The following NEBL variants were observed in gnomAD, a reference collection of about 807,000 sequenced individuals.
The protein encoded by NEBL is nebulette.
In NEBL, 122 loss-of-function variants were observed where a neutral mutation model predicts 140.2. That is an observed-to-expected ratio of 0.87 (90% CI 0.75 to 1.01). The LOEUF is 1.01. Ranked by LOEUF, NEBL falls within the 50% of genes least tolerant of loss-of-function variation. NEBL has a pLI of 0.00. For synonymous variants in NEBL, 436 were observed against 398.9 expected, an observed-to-expected ratio of 1.09 and a Z score of -1.11; for missense variants, 1,365 against 1,231.3, an observed-to-expected ratio of 1.11 and a Z score of -1.62.
intron 7 of NEBL, 79 bp downstream of exon 7, chr10:20,868,585 T>C (rs1327822288): frequency 1.7e-5 from 17 of 987,076 alleles, no homozygotes; most frequent in Non-Finnish European, 2.6e-5. Context: ...AGATATTATC[T>C]AAAATGCAAT....
intron 2 of NEBL, among the ~76,000 whole-genome samples, chr10:21,078,596 C>G (rs902258571): frequency 1.3e-4 from 20 of 152,100 alleles, no homozygotes; most frequent in African/African-American, 4.8e-4. Flanking sequence ...CCTGTATACA[C>G]GTATGCAGAG....
intron 3 of NEBL, among the ~76,000 whole-genome samples, chr10:20,979,863 T>C (rs1475832047): frequency 1.3e-5 from 2 of 152,046 alleles, no homozygotes; most frequent in Admixed American, 6.6e-5. Flanking sequence ...CATGCCACCA[T>C]GGTCATCTAA....
At chr10:21,133,576 T>G (rs931615025) in intron 2 of NEBL, among the ~76,000 whole-genome samples, 8 of 152,172 alleles carry the variant, frequency 5.3e-5, no homozygotes, top group African/African-American at 1.9e-4. Context: ...ATAGGGAATC[T>G]TCATAGAGTT....
At chr10:20,994,811 G>C (rs1837600940) in intron 3 of NEBL, among the ~76,000 whole-genome samples, 1 of 152,216 alleles carries the variant, frequency 6.6e-6, no homozygotes, top group African/African-American at 2.4e-5. Flanking sequence ...TATTCATTAA[G>C]TGGAAATGGA....
chr10:21,284,950 G>A (rs1273248493), intron 1 of NEBL, among the ~76,000 whole-genome samples: 3 of 152,240 alleles, frequency 2.0e-5, no homozygotes, highest in Non-Finnish European at 4.4e-5. Context: ...TGTAATCCCA[G>A]CTACTTGGAA....
In NEBL at chr10:20,826,426, T is replaced by A. The variant is rs1404738153; in HGVS notation, c.1869+21A>T. 3 of 1,569,376 alleles carry A rather than the reference T, an allele frequency of 1.9e-6. No homozygotes were observed. The East Asian group carries it at 6.7e-5, about 35-fold the overall frequency. The stretch of plus-strand genomic sequence containing the variant: ...TTTGGTTTGCTTTTAGAAAAGATAA[T>A]TAATGCTGTAGAGAACTTACTGAAC... On this transcript the variant is annotated intron_variant, in intron 18 of 27. Transcript: ENST00000377122.
At chr10:20,918,749 G>A (rs950656394) in intron 4 of NEBL, among the ~76,000 whole-genome samples, 1 of 151,716 alleles carries the variant, frequency 6.6e-6, no homozygotes, top group Non-Finnish European at 1.5e-5. Flanking sequence ...TACTCGGGAG[G>A]CTGAGGCAGA....
At chr10:20,991,745 A>G (rs1334804477) in intron 3 of NEBL, among the ~76,000 whole-genome samples, 3 of 151,304 alleles carry the variant, frequency 2.0e-5, no homozygotes, top group Non-Finnish European at 4.4e-5. Flanking sequence ...TACTTTGTCA[A>G]CCTTTGCTCC....
At chr10:20,918,665 G>A (rs1194275267) in intron 4 of NEBL, among the ~76,000 whole-genome samples, 4 of 151,626 alleles carry the variant, frequency 2.6e-5, no homozygotes, top group South Asian at 2.1e-4. Flanking sequence ...TGGCGAAGGC[G>A]GTGAAACCCA....
chr10:21,029,047 C>T (rs1833662475), intron 2 of NEBL: 1 of 946,970 alleles, frequency 1.1e-6, no homozygotes, highest in South Asian at 1.4e-5. Flanking sequence ...AACTATCTCC[C>T]TAACAGACTT....
At chr10:20,791,880 C>T (rs1490009924) in intron 26 of NEBL, among the ~76,000 whole-genome samples, 1 of 152,060 alleles carries the variant, frequency 6.6e-6, no homozygotes, top group Non-Finnish European at 1.5e-5. Flanking sequence ...ATTAAGTGTC[C>T]TTGGTGTTCA....
chr10:21,127,272 T>C (rs1361709829), intron 2 of NEBL, among the ~76,000 whole-genome samples: 1 of 152,116 alleles, frequency 6.6e-6, no homozygotes, highest in Non-Finnish European at 1.5e-5. Flanking sequence ...AGATATCAAA[T>C]ACATAATGAT....
chr10:21,016,984 C>T (rs1838581125), intron 3 of NEBL, among the ~76,000 whole-genome samples: 1 of 152,196 alleles, frequency 6.6e-6, no homozygotes, highest in South Asian at 2.1e-4. Context: ...TACATTGCAT[C>T]AACCCTTGTA....
chr10:20,872,828 G>A (rs965938935), intron 5 of NEBL, among the ~76,000 whole-genome samples: 14 of 152,104 alleles, frequency 9.2e-5, no homozygotes, highest in East Asian at 5.8e-4. Context: ...ACATCAGGCC[G>A]GTACCCTACA....
intron 3 of NEBL, among the ~76,000 whole-genome samples, chr10:21,013,944 T>C (rs541403928): frequency 4.6e-5 from 7 of 152,050 alleles, no homozygotes; most frequent in Non-Finnish European, 7.4e-5. Context: ...GGATATATAT[T>C]TGGAAATGGG....
intron 7 of NEBL, among the ~76,000 whole-genome samples, chr10:20,865,805 T>C (rs1043808265): frequency 6.6e-6 from 1 of 152,164 alleles, no homozygotes; most frequent in Non-Finnish European, 1.5e-5. Context: ...AAACAATTAC[T>C]ATGAGGCACA....
At chr10:20,987,512 A>G (rs1055119111) in intron 3 of NEBL, among the ~76,000 whole-genome samples, 6 of 151,764 alleles carry the variant, frequency 4.0e-5, no homozygotes, top group African/African-American at 1.5e-4. Context: ...TCACTCCTCA[A>G]TCCTTAACCC....
At chr10:21,070,924 C>A (rs1835787508) in intron 2 of NEBL, among the ~76,000 whole-genome samples, 1 of 152,068 alleles carries the variant, frequency 6.6e-6, no homozygotes, top group Admixed American at 6.6e-5. Flanking sequence ...CACCTGTAAC[C>A]CCAACACTTT....
At chr10:21,262,754 T>C (rs1842755942) in intron 1 of NEBL, among the ~76,000 whole-genome samples, 1 of 152,186 alleles carries the variant, frequency 6.6e-6, no homozygotes, top group Non-Finnish European at 1.5e-5. Context: ...AAGGCTGAAC[T>C]TAGCATCTGC....
Sources: gnomAD v4.1 joint callset for allele counts (sites outside exome capture counted in the v4.1 genomes callset) on GRCh38, gnomAD v4.1.1 for gene constraint, MANE v1.5 for transcripts, NCBI Gene and HGNC (gene_info 2026-07-23, HGNC 2026-07-21) for gene names.